LRRC39: variants seen among roughly 807,000 people sequenced by gnomAD.
LRRC39 encodes the protein leucine-rich repeat-containing protein 39.
LRRC39 carries 35 observed loss-of-function variants against 39.7 expected under a neutral mutation model. The observed-to-expected ratio is 0.88, with a 90% confidence interval of 0.67 to 1.17. The LOEUF is 1.17. Among genes scored for constraint, LRRC39 ranks in the 50% most tolerant of loss-of-function variants. LRRC39 has a pLI of 0.00. For missense variants in LRRC39, 357 were observed against 385.8 expected (o/e 0.93, Z 0.62); for synonymous variants, 113 against 134.1 (o/e 0.84, Z 1.09).
In LRRC39 at chr1:100,158,325, T is replaced by G. The variant is rs868076216; in HGVS notation, c.419A>C (p.Lys140Thr). ...TAGTTCCTTGGGGACAGTCTTGATT[T>G]TGTTGTAGCTGAGAATCAGTTCCTG... ...RLQELILSYN[K>T]IKTVPKELSN... is the part of the protein sequence containing the mutation. Residue 140 changes from lysine to threonine, a missense_variant, in exon 6 of 10, where the codon AAA becomes ACA. Physicochemically the swap from Lys to Thr is moderately conservative, Grantham distance 78. Coordinates refer to ENST00000370137, the MANE Select transcript of LRRC39 (RefSeq NM_144620.4). The G allele has an allele frequency of 8.1e-6, 13 of 1,613,934 alleles. No individual in the cohort carries two copies. In the African/African-American group the frequency reaches 1.3e-4, roughly 17 times the overall value.
chr1:100,164,706 T>C (rs1410310084), intron 3 of LRRC39, among the ~76,000 whole-genome samples: 3 of 149,422 alleles, frequency 2.0e-5, no homozygotes, highest in Non-Finnish European at 4.5e-5. Flanking sequence ...AATTTTTTTC[T>C]TTTTTTTTTA....
At chr1:100,155,409 T>G (rs1026897855) in intron 7 of LRRC39, among the ~76,000 whole-genome samples, 1 of 152,194 alleles carries the variant, frequency 6.6e-6, no homozygotes, top group Non-Finnish European at 1.5e-5. Context: ...TTGGTTCTTA[T>G]GTTAAAAATC....
At chr1:100,157,072 A>ATTC (rs1658515108) in intron 6 of LRRC39, among the ~76,000 whole-genome samples, 1 of 152,220 alleles carries the variant, frequency 6.6e-6, no homozygotes, top group Non-Finnish European at 1.5e-5. Flanking sequence ...CATGAGTTAG[A>ATTC]AATAAAATAT....
intron 3 of LRRC39, among the ~76,000 whole-genome samples, chr1:100,165,694 A>C (rs1178884064): frequency 6.6e-6 from 1 of 152,108 alleles, no homozygotes; most frequent in East Asian, 1.9e-4. Context: ...CAAGTAATCC[A>C]GGTGATATGG....
At chr1:100,177,274 G>C (rs1207067985) in intron 1 of LRRC39, among the ~76,000 whole-genome samples, 1 of 152,194 alleles carries the variant, frequency 6.6e-6, no homozygotes, top group African/African-American at 2.4e-5. Flanking sequence ...ACTGGTGATA[G>C]AGAGGAATCG....
In LRRC39 at chr1:100,148,886, C is replaced by G; in HGVS notation, c.*156G>C. Reference sequence around the variant, plus strand: ...AAATTTTTTAATTATATTTTTATATCAAAAAAATATATACTTTAAATAGCA... The same window carrying G: ...AAATTTTTTAATTATATTTTTATATGAAAAAAATATATACTTTAAATAGCA... On this transcript the variant is annotated 3_prime_UTR_variant, in exon 10 of 10. Coordinates refer to ENST00000370137, the MANE Select transcript of LRRC39 (RefSeq NM_144620.4). 8.9e-7 allele frequency: 1 copy of G among 1,127,736 alleles called. No individual in the cohort carries two copies. The highest frequency in any genetic ancestry group is 3.1e-5 in the South Asian group (1 of 32,076). The allele number at this position is 1,127,736 out of a possible 1,614,324, so 69.9% of individuals were successfully genotyped here.
At chr1:100,179,383 A>G (rs1660145758), upstream of LRRC39, among the ~76,000 whole-genome samples, 1 of 151,426 alleles carries the variant, frequency 6.6e-6, no homozygotes, top group Admixed American at 6.6e-5. Context: ...GTTCATAAGT[A>G]AAAATCAAGA....
chr1:100,157,693 G>T (rs1658568216), intron 6 of LRRC39, among the ~76,000 whole-genome samples: 1 of 152,132 alleles, frequency 6.6e-6, no homozygotes, highest in Non-Finnish European at 1.5e-5. Context: ...CTTTTATCTT[G>T]TAAAGTCATT....
intron 8 of LRRC39, among the ~76,000 whole-genome samples, chr1:100,154,635 C>T (rs1658325553): frequency 6.6e-6 from 1 of 152,080 alleles, no homozygotes; most frequent in Non-Finnish European, 1.5e-5. Context: ...TACTGAGAAC[C>T]AAGGCATTCA....
chr1:100,151,437 A>G (rs765588148), intron 9 of LRRC39, among the ~76,000 whole-genome samples: 1 of 152,178 alleles, frequency 6.6e-6, no homozygotes, highest in Non-Finnish European at 1.5e-5. Context: ...CCTTGCTGCA[A>G]TAAATCTAAT....
In LRRC39 at chr1:100,164,067, T is replaced by C. The variant is rs1367170545; in HGVS notation, c.114-3496A>G. Among the ~76,000 whole-genome samples the C allele has an allele frequency of 5.9e-5, 9 of 152,134 alleles. 1 individual carries two copies. ...CAGCCTGGGTGACAGAGTGAGACTC[T>C]GTCTCTAAAAAAACAAAATAAAATT... On this transcript the variant is annotated intron_variant, in intron 3 of 9. Coordinates refer to ENST00000370137, the MANE Select transcript of LRRC39 (RefSeq NM_144620.4).
intron 6 of LRRC39, among the ~76,000 whole-genome samples, chr1:100,157,917 A>G (rs935518279): frequency 3.9e-5 from 6 of 152,236 alleles, no homozygotes; most frequent in Admixed American, 3.3e-4. Context: ...TAATTCAAAA[A>G]GCATTTAAGT....
At chr1:100,164,663 C>G (rs150326002) in intron 3 of LRRC39, among the ~76,000 whole-genome samples, 1 of 152,134 alleles carries the variant, frequency 6.6e-6, no homozygotes, top group African/African-American at 2.4e-5. Flanking sequence ...CAGATTCTTA[C>G]CATTTTGCGT....
chr1:100,148,477 T>C lies in LRRC39; in HGVS notation c.*565A>G. 1 of 1,068,258 alleles carries C rather than the reference T, an allele frequency of 9.4e-7. No individual in the cohort carries two copies. The highest frequency in any genetic ancestry group is 1.3e-6 in the Non-Finnish European group (1 of 741,940). 66.2% of individuals were successfully genotyped at this position (1,068,258 alleles called of 1,614,324 possible). On this transcript the variant is annotated 3_prime_UTR_variant, in exon 10 of 10. Coordinates refer to ENST00000370137, the MANE Select transcript of LRRC39 (RefSeq NM_144620.4). ...ATATACACATCTTTTATTGTGGTCA[T>C]AAATATAATGTGTCTTGGAAGCATG...
intron 1 of LRRC39, among the ~76,000 whole-genome samples, chr1:100,175,653 A>G (rs1452633842): frequency 6.6e-6 from 1 of 152,250 alleles, no homozygotes; most frequent in Non-Finnish European, 1.5e-5. Flanking sequence ...AATGGATTAC[A>G]TCTAGAATAT....
intron 8 of LRRC39, 66 bp from the exon 9 acceptor site, chr1:100,152,590 G>T: frequency 6.5e-7 from 1 of 1,532,440 alleles, no homozygotes; most frequent in Non-Finnish European, 8.9e-7. Flanking sequence ...TTTCCCTGGA[G>T]AAAGGTCAAA....
At chr1:100,155,904 T>C (rs527847721) in intron 7 of LRRC39, among the ~76,000 whole-genome samples, 1 of 152,336 alleles carries the variant, frequency 6.6e-6, no homozygotes, top group Admixed American at 6.5e-5. Context: ...TCAGCCACTT[T>C]TGGCCAGGTG....
chr1:100,159,463 A>G (rs1285708012), intron 4 of LRRC39, 48 bp from the exon 5 acceptor site: 2 of 1,396,470 alleles, frequency 1.4e-6, no homozygotes, highest in African/African-American at 1.5e-5. Flanking sequence ...AAATTTTTTT[A>G]GTATCACGCC....
intron 1 of LRRC39, among the ~76,000 whole-genome samples, chr1:100,175,053 C>T (rs1659864371): frequency 6.6e-6 from 1 of 152,216 alleles, no homozygotes; most frequent in Non-Finnish European, 1.5e-5. Flanking sequence ...CCCCCTTTGC[C>T]TTCCACCATG....
Sources: gnomAD v4.1 joint callset for allele counts (sites outside exome capture counted in the v4.1 genomes callset) on GRCh38, gnomAD v4.1.1 for gene constraint, MANE v1.5 for transcripts, NCBI Gene and HGNC (gene_info 2026-07-23, HGNC 2026-07-21) for gene names.